Variants in COL5A2 observed in about 807,000 individuals in gnomAD.
COL5A2 encodes the protein collagen type V alpha 2 chain, also known as collagen alpha-2(V) chain.
In COL5A2, 23 loss-of-function variants were observed where a neutral mutation model predicts 208.2. The ratio of observed to expected loss-of-function variants is 0.11; its 90% CI spans 0.08 to 0.16. The LOEUF is 0.16. Ranked by LOEUF, COL5A2 falls within the 10% of genes least tolerant of loss-of-function variation. COL5A2 has a pLI of 1.00. For missense variants in COL5A2, 1,590 were observed against 1,956.4 expected, an observed-to-expected ratio of 0.81 and a Z score of 3.53; for synonymous variants, 625 against 628.5, an observed-to-expected ratio of 0.99 and a Z score of 0.08.
the COL5A2 span, among the ~76,000 whole-genome samples, chr2:189,238,088 A>G: frequency 1.3e-5 from 2 of 150,638 alleles, no homozygotes; most frequent in Non-Finnish European, 3.0e-5. Flanking sequence ...AAATATGTAT[A>G]AAACAAAATT....
intron 8 of COL5A2, among the ~76,000 whole-genome samples, chr2:189,087,985 C>T (rs61199451): frequency 0.13 from 20,187 of 151,994 alleles, 1,368 homozygotes; most frequent in Middle Eastern, 0.19. Flanking sequence ...ATGCTCACAA[C>T]GCTGGCCTTA....
At chr2:189,328,761 C>G in the COL5A2 span, among the ~76,000 whole-genome samples, 1 of 152,216 alleles carries the variant, frequency 6.6e-6, no homozygotes, top group African/African-American at 2.4e-5. Context: ...TCATGGAAGA[C>G]AGAAATACAA....
intron 1 of COL5A2, among the ~76,000 whole-genome samples, chr2:189,137,997 T>A (rs1253820005): frequency 6.6e-6 from 1 of 152,118 alleles, no homozygotes; most frequent in African/African-American, 2.4e-5. Context: ...ATATATAAAA[T>A]GGAGTCTTGC....
chr2:189,045,340 ATGTGTGTG>A (rs111268949), intron 46 of COL5A2, 108 bp from the exon 47 acceptor site: 16 of 582,342 alleles, frequency 2.7e-5, no homozygotes, highest in African/African-American at 2.7e-4. Context: ...ATATATATAT[ATGTGTGTG>A]TGTGTGTGTG....
At chr2:189,215,073 C>A (rs1689262248) in intron 1 of COL5A2, among the ~76,000 whole-genome samples, 1 of 152,134 alleles carries the variant, frequency 6.6e-6, no homozygotes. Flanking sequence ...TAATAAATAG[C>A]AGATCTAGCA....
the COL5A2 span, among the ~76,000 whole-genome samples, chr2:189,266,256 T>C: frequency 6.6e-6 from 1 of 152,150 alleles, no homozygotes; most frequent in African/African-American, 2.4e-5. Context: ...TGAACCCCTG[T>C]CTCTACTAAA....
chr2:189,316,880 T>C, the COL5A2 span, among the ~76,000 whole-genome samples: 1 of 151,906 alleles, frequency 6.6e-6, no homozygotes, highest in South Asian at 2.1e-4. Context: ...TTAAAATAAC[T>C]TAAAAGTGTA....
At chr2:189,068,373 C>A (rs1686200329) in intron 19 of COL5A2, 103 bp from the exon 20 acceptor site, 2 of 1,051,830 alleles carry the variant, frequency 1.9e-6, no homozygotes, top group East Asian at 4.8e-5. Context: ...GAAGTAGAAG[C>A]ATTTTTTAAA....
the COL5A2 span, among the ~76,000 whole-genome samples, chr2:189,267,572 T>A: frequency 6.6e-6 from 1 of 152,104 alleles, no homozygotes; most frequent in Non-Finnish European, 1.5e-5. Flanking sequence ...CCATCATTTT[T>A]AAAAAGCAAT....
chr2:189,269,118 C>T, the COL5A2 span, among the ~76,000 whole-genome samples: 6 of 152,076 alleles, frequency 3.9e-5, no homozygotes, highest in Admixed American at 2.0e-4. Flanking sequence ...AAGCCTTTCT[C>T]GTAATTCTTT....
the COL5A2 span, among the ~76,000 whole-genome samples, chr2:189,308,649 A>G: frequency 6.6e-6 from 1 of 152,010 alleles, no homozygotes; most frequent in Non-Finnish European, 1.5e-5. Context: ...GGTCTCCACA[A>G]CCCCTTATCT....
At chr2:189,064,735 C>A in intron 24 of COL5A2, 80 bp from the exon 25 acceptor site, 3 of 1,046,714 alleles carry the variant, frequency 2.9e-6, no homozygotes, top group Non-Finnish European at 4.5e-6. Flanking sequence ...TATCGTTTTA[C>A]AAATCAAGGC....
At chr2:189,229,857 C>T (rs538486468), upstream of COL5A2, among the ~76,000 whole-genome samples, 1 of 151,758 alleles carries the variant, frequency 6.6e-6, no homozygotes, top group East Asian at 1.9e-4. Flanking sequence ...GCCACAAAGA[C>T]CCCAACTGGC....
At chr2:189,241,995 T>C in the COL5A2 span, among the ~76,000 whole-genome samples, 144 of 152,216 alleles carry the variant, frequency 9.5e-4, 1 homozygote, top group Non-Finnish European at 1.8e-3. Context: ...TATTGATTAT[T>C]AGTATTTTAT....
the COL5A2 span, among the ~76,000 whole-genome samples, chr2:189,332,487 AGG>A: frequency 4.6e-5 from 7 of 152,154 alleles, no homozygotes; most frequent in Non-Finnish European, 1.0e-4. Context: ...GTGTTGTGGG[AGG>A]GACCTGGTGG....
chr2:189,135,521 A>C (rs1687811062), intron 1 of COL5A2, among the ~76,000 whole-genome samples: 1 of 152,172 alleles, frequency 6.6e-6, no homozygotes, highest in Non-Finnish European at 1.5e-5. Flanking sequence ...CAAACAGTGA[A>C]CTGAAGAACA....
At chr2:189,048,302 A>G in intron 44 of COL5A2, 40 bp from the exon 45 acceptor site, 4 of 1,577,454 alleles carry the variant, frequency 2.5e-6, no homozygotes, top group African/African-American at 1.3e-5. Context: ...TTAACTGAGT[A>G]ATGAAAAAAA....
chr2:189,050,174 C>T (rs1460577533), intron 43 of COL5A2, among the ~76,000 whole-genome samples: 1 of 152,186 alleles, frequency 6.6e-6, no homozygotes, highest in African/African-American at 2.4e-5. Flanking sequence ...TTTAGCTCAA[C>T]TATGTCTTCC....
chr2:189,375,788 A>T, the COL5A2 span, among the ~76,000 whole-genome samples: 20 of 152,228 alleles, frequency 1.3e-4, no homozygotes, highest in African/African-American at 4.3e-4. Context: ...GAAAGTGAGT[A>T]AAAAGGAAAA....
Sources: allele counts gnomAD v4.1 joint callset (sites outside exome capture counted in the v4.1 genomes callset), GRCh38; gene constraint gnomAD v4.1.1; transcripts MANE v1.5; gene names NCBI Gene and HGNC (gene_info 2026-07-23, HGNC 2026-07-21).